Variants in VAPB observed in about 807,000 individuals in gnomAD.
VAPB encodes vesicle-associated membrane protein-associated protein B/C.
A neutral mutation model predicts 25.6 loss-of-function variants in VAPB; 7 were observed. The observed-to-expected ratio is 0.27, with a 90% CI of 0.16 to 0.51. VAPB has a LOEUF of 0.51. Among genes scored for constraint, VAPB ranks in the 20% least tolerant of loss-of-function variants. The probability of loss-of-function intolerance (pLI) is 0.97; values close to 1 mark genes in which losing one functional copy is unlikely to be tolerated. For missense variants in VAPB, 266 were observed against 301.3 expected (o/e 0.88, Z 0.87); for synonymous variants, 112 against 109.2 (o/e 1.03, Z -0.16).
rs3833303 is a variant in VAPB, at chr20:58,434,921, CT to C, written c.315+220del. On this transcript the variant is annotated intron_variant, in intron 3 of 5. Coordinates refer to ENST00000475243, the MANE Select transcript of VAPB (RefSeq NM_004738.5). ...TTTTGTGACTTTCTAGAAGGCTGTT[CT>C]TTTCTGACTTTCCTGAGCTCAGTGT... Among the ~76,000 whole-genome samples, 11,811 of 152,062 alleles carry C rather than the reference CT, an allele frequency of 0.078. 740 individuals carry two copies. Among genetic ancestry groups the C allele is most frequent in the East Asian group, 0.26 (1,356 of 5,162 alleles).
At chr20:58,407,552 T>C (rs1459569259) in intron 1 of VAPB, among the ~76,000 whole-genome samples, 1 of 152,190 alleles carries the variant, frequency 6.6e-6, no homozygotes, top group South Asian at 2.1e-4. Context: ...AATAATTTGT[T>C]AGAAGACTCG....
At position 58,389,231 on chromosome 20, in the gene VAPB, G is replaced by A; in HGVS notation, c.-229G>A. On this transcript the variant is annotated 5_prime_UTR_variant, in exon 1 of 6. The change creates a new upstream start codon in the 5' untranslated region. Coordinates refer to ENST00000475243, the MANE Select transcript of VAPB (RefSeq NM_004738.5). ...TCTGCGTGCGTGCGTGCGTGCGTGC[G>A]TGCCGTCAGCTCGCCGGGCACCGCG... 1.5e-6 allele frequency: 1 copy of A among 653,004 alleles called. No individual in the cohort carries two copies. Among genetic ancestry groups the A allele is most frequent in the Non-Finnish European group, 2.8e-6 (1 of 357,990 alleles). The allele number at this position is 653,004 out of a possible 1,614,324, so 40.5% of individuals were successfully genotyped here. A position where few individuals can be genotyped will look rare whatever the true frequency, so the allele number is the denominator to read the frequency against.
intron 1 of VAPB, among the ~76,000 whole-genome samples, chr20:58,408,497 G>A (rs1164534136): frequency 3.3e-5 from 5 of 152,008 alleles, no homozygotes; most frequent in African/African-American, 9.7e-5. Context: ...CTAACAATTC[G>A]ATCAAGAAAA....
At chr20:58,439,054 G>C in intron 4 of VAPB, 29 bp downstream of exon 4, 1 of 1,585,090 alleles carries the variant, frequency 6.3e-7, no homozygotes, top group South Asian at 1.1e-5. Flanking sequence ...AACAATAATT[G>C]AATGTTGTAA....
intron 1 of VAPB, among the ~76,000 whole-genome samples, chr20:58,412,917 C>T (rs1284443369): frequency 6.6e-6 from 1 of 152,098 alleles, no homozygotes; most frequent in African/African-American, 2.4e-5. Flanking sequence ...CCATAAAATG[C>T]TCTTAGGTTT....
chr20:58,429,656 C>T (rs1373136516), intron 2 of VAPB, among the ~76,000 whole-genome samples: 1 of 152,218 alleles, frequency 6.6e-6, no homozygotes, highest in Non-Finnish European at 1.5e-5. Context: ...GATGTGTGTG[C>T]ATGCATATGT....
intron 2 of VAPB, among the ~76,000 whole-genome samples, chr20:58,421,590 A>G (rs1988670650): frequency 6.6e-6 from 1 of 152,168 alleles, no homozygotes; most frequent in Admixed American, 6.5e-5. Flanking sequence ...TACATACCTG[A>G]GAAGGACATG....
At chr20:58,400,607 T>G (rs1207802566) in intron 1 of VAPB, among the ~76,000 whole-genome samples, 3 of 152,230 alleles carry the variant, frequency 2.0e-5, no homozygotes, top group Admixed American at 6.5e-5. Context: ...TAAGCTCCTA[T>G]AGGTTTTTGT....
Position 58,444,396 on chromosome 20 carries a change from C to A in VAPB, c.*161C>A. The A allele has an allele frequency of 1.1e-6, 1 of 946,772 alleles. No homozygotes were observed. The highest frequency in any genetic ancestry group is 1.7e-6 in the Non-Finnish European group (1 of 593,358). The allele number at this position is 946,772 out of a possible 1,614,324, so 58.6% of individuals were successfully genotyped here. ...CTGCACACACATACACAGATACACA[C>A]ACACAAATATAATGTAACGATCTTT... On this transcript the variant is annotated 3_prime_UTR_variant, in exon 6 of 6. Coordinates refer to ENST00000475243, the MANE Select transcript of VAPB (RefSeq NM_004738.5).
chr20:58,414,553 TG>T (rs1182939297), intron 1 of VAPB, among the ~76,000 whole-genome samples: 1 of 145,986 alleles, frequency 6.8e-6, no homozygotes, highest in Non-Finnish European at 1.5e-5. Context: ...GACGGGGTCG[TG>T]GCCGGGCAGA....
At chr20:58,409,457 G>A (rs1260210586) in intron 1 of VAPB, among the ~76,000 whole-genome samples, 3 of 152,108 alleles carry the variant, frequency 2.0e-5, no homozygotes, top group Non-Finnish European at 2.9e-5. Context: ...GAAACCTCAA[G>A]CACACTTTTA....
At chr20:58,400,684 C>T (rs1194575794) in intron 1 of VAPB, among the ~76,000 whole-genome samples, 3 of 152,084 alleles carry the variant, frequency 2.0e-5, no homozygotes, top group Non-Finnish European at 4.4e-5. Flanking sequence ...TTTCCGAGTA[C>T]CCCAAAGAAG....
intron 1 of VAPB, among the ~76,000 whole-genome samples, chr20:58,404,058 T>C (rs985315596): frequency 1.3e-5 from 2 of 152,228 alleles, no homozygotes; most frequent in African/African-American, 4.8e-5. Context: ...ACTATTGTAG[T>C]AGCACCGTGA....
intron 2 of VAPB, among the ~76,000 whole-genome samples, chr20:58,425,113 C>A (rs909396088): frequency 6.6e-6 from 1 of 152,224 alleles, no homozygotes; most frequent in Non-Finnish European, 1.5e-5. Flanking sequence ...AGGAGCTCTG[C>A]TTGGCATTTA....
At position 58,430,615 on chromosome 20, in the gene VAPB, G is replaced by A. The variant is rs189519010; in HGVS notation, c.212-3987G>A. Among the ~76,000 whole-genome samples the A allele has an allele frequency of 2.1e-3, 314 of 149,596 alleles. 2 individuals carry two copies. Among genetic ancestry groups the A allele is most frequent in the African/African-American group, 7.1e-3 (289 of 40,574 alleles). On this transcript the variant is annotated intron_variant, in intron 2 of 5. Transcript: ENST00000475243. ...TTTGAGACAGAGTCTCACTCTTGTC[G>A]CCCAGGCTGGAGTGCAGTGGCGCCG...
chr20:58,392,151 G>T (rs192341314), intron 1 of VAPB, among the ~76,000 whole-genome samples: 30 of 152,346 alleles, frequency 2.0e-4, no homozygotes, highest in Admixed American at 3.9e-4. Flanking sequence ...AAAGCCTGGG[G>T]TGGTTATTCG....
At chr20:58,431,565 T>C (rs1190206579) in intron 2 of VAPB, 1 of 152,008 alleles carries the variant, frequency 6.6e-6, no homozygotes, top group Non-Finnish European at 1.5e-5. Context: ...TTTGTTTTTT[T>C]TTTTGTTTTT....
intron 1 of VAPB, among the ~76,000 whole-genome samples, chr20:58,411,876 TCA>T (rs1458240134): frequency 6.6e-6 from 1 of 152,040 alleles, no homozygotes; most frequent in Non-Finnish European, 1.5e-5. Context: ...AGACGGGGTT[TCA>T]CCGTGTTAGC....
intron 1 of VAPB, among the ~76,000 whole-genome samples, chr20:58,413,155 T>TA (rs1555812250): frequency 7.2e-6 from 1 of 139,214 alleles, no homozygotes; most frequent in Non-Finnish European, 1.6e-5. Flanking sequence ...TTTTTTTTTT[T>TA]AATTTATTTT....
Sources: gnomAD v4.1 joint callset for allele counts (sites outside exome capture counted in the v4.1 genomes callset) on GRCh38, gnomAD v4.1.1 for gene constraint, MANE v1.5 for transcripts, NCBI Gene and HGNC (gene_info 2026-07-23, HGNC 2026-07-21) for gene names.